Variants in GPHN observed in about 807,000 individuals in gnomAD.
GPHN encodes gephyrin.
Under a neutral mutation model 95.5 loss-of-function variants are expected in GPHN, and 17 were observed. The observed-to-expected ratio is 0.18, with a 90% CI of 0.12 to 0.27. GPHN has a LOEUF of 0.27. GPHN is among the 10% of genes least tolerant of loss of function. GPHN has a pLI of 1.00. For synonymous variants in GPHN, 320 were observed against 322.5 expected (o/e 0.99, Z 0.08); for missense variants, 660 against 978.1 (o/e 0.67, Z 4.34).
intron 9 of GPHN, among the ~76,000 whole-genome samples, chr14:66,992,991 G>A (rs951133584): frequency 6.6e-6 from 1 of 152,108 alleles, no homozygotes; most frequent in Non-Finnish European, 1.5e-5. Context: ...AAACAGAAAT[G>A]TTTGCTGAGT....
chr14:67,213,154 GTATTTTATTT>G, the GPHN span, among the ~76,000 whole-genome samples: 3 of 145,144 alleles, frequency 2.1e-5, no homozygotes, highest in African/African-American at 7.7e-5. Context: ...TTTTTTAAAT[GTATTTTATTT>G]TATTTTATTA....
At chr14:67,296,822 C>T in the GPHN span, among the ~76,000 whole-genome samples, 1 of 152,036 alleles carries the variant, frequency 6.6e-6, no homozygotes, top group African/African-American at 2.4e-5. Context: ...GCAACCTCAA[C>T]CTCCTGGGCT....
intron 2 of GPHN, among the ~76,000 whole-genome samples, chr14:66,752,755 T>C (rs1355930910): frequency 6.6e-6 from 1 of 151,966 alleles, no homozygotes; most frequent in Non-Finnish European, 1.5e-5. Flanking sequence ...GCAGACTTCC[T>C]TGACATGGGT....
chr14:66,649,054 G>A (rs2064903123), intron 1 of GPHN, among the ~76,000 whole-genome samples: 1 of 152,214 alleles, frequency 6.6e-6, no homozygotes. Context: ...AGGGTTGGCT[G>A]GGTGTGGTGG....
chr14:66,735,196 C>CT (rs1294572213), intron 2 of GPHN, among the ~76,000 whole-genome samples: 1 of 152,096 alleles, frequency 6.6e-6, no homozygotes, highest in Non-Finnish European at 1.5e-5. Flanking sequence ...ATACCATAGG[C>CT]TTTTTTTAAA....
chr14:66,830,352 C>A (rs111514157), intron 4 of GPHN, among the ~76,000 whole-genome samples: 2,377 of 151,898 alleles, frequency 0.016, 31 homozygotes, highest in Non-Finnish European at 0.018. Context: ...ACAATATAGC[C>A]TAATAAAAAT....
At chr14:66,624,652 T>C (rs1374425469) in intron 1 of GPHN, among the ~76,000 whole-genome samples, 1 of 152,216 alleles carries the variant, frequency 6.6e-6, no homozygotes, top group Non-Finnish European at 1.5e-5. Flanking sequence ...GTGTGCCAAA[T>C]TTGGCTACAA....
chr14:66,761,193 C>T lies in GPHN; in HGVS notation c.144-15271C>T, dbSNP rs17113543. Among the ~76,000 whole-genome samples, 457 of 152,298 alleles carry T rather than the reference C, an allele frequency of 3.0e-3. 3 individuals carry two copies. The highest frequency in any genetic ancestry group is 0.011 in the African/African-American group (439 of 41,574). ...ATATTACGGATATTAGATTGCATCT[C>T]AGTGCTAAATTTTCACTGATAGATA... On this transcript the variant is annotated intron_variant, in intron 2 of 22. Transcript: ENST00000478722.
chr14:67,610,702 G>A, the GPHN span, among the ~76,000 whole-genome samples: 10 of 151,944 alleles, frequency 6.6e-5, no homozygotes, highest in African/African-American at 2.4e-4. Flanking sequence ...ACACTTCCTG[G>A]GAACTGACTC....
the GPHN span, among the ~76,000 whole-genome samples, chr14:67,319,916 T>C: frequency 1.3e-5 from 2 of 152,358 alleles, no homozygotes; most frequent in African/African-American, 4.8e-5. Context: ...ATATTACTCT[T>C]ACTAGTTCAT....
At chr14:67,318,843 G>A in the GPHN span, among the ~76,000 whole-genome samples, 1 of 152,030 alleles carries the variant, frequency 6.6e-6, no homozygotes, top group Non-Finnish European at 1.5e-5. Flanking sequence ...GGATCACGAG[G>A]TCAGGAGATG....
At chr14:67,178,928 GA>G (rs375116583) in intron 21 of GPHN, among the ~76,000 whole-genome samples, 2,122 of 148,992 alleles carry the variant, frequency 0.014, 31 homozygotes, top group South Asian at 0.062. Context: ...AGTGCTGAAA[GA>G]AAAAAAAAAT....
At chr14:66,890,352 G>A (rs1050058661) in intron 5 of GPHN, among the ~76,000 whole-genome samples, 2 of 148,882 alleles carry the variant, frequency 1.3e-5, no homozygotes, top group Non-Finnish European at 3.0e-5. Flanking sequence ...AGGCCACACA[G>A]TGAGCCCTGA....
At chr14:67,656,594 A>T in the GPHN span, 1 of 1,598,174 alleles carries the variant, frequency 6.3e-7, no homozygotes, top group South Asian at 1.1e-5. Flanking sequence ...CCGATTCTGA[A>T]AGAAGTATGG....
chr14:67,667,715 C>T, the GPHN span, among the ~76,000 whole-genome samples: 13,728 of 152,080 alleles, frequency 0.09, 878 homozygotes, highest in East Asian at 0.23. Flanking sequence ...GAGGCCGAGG[C>T]GGGCGGATCA....
At position 66,796,320 on chromosome 14, in the gene GPHN, C is replaced by CT. The variant is rs537818102; in HGVS notation, c.201+19809dup. Among the ~76,000 whole-genome samples the CT allele has an allele frequency of 3.1e-3, 462 of 148,256 alleles. 4 individuals carry two copies. Among genetic ancestry groups the CT allele is most frequent in the African/African-American group, 8.9e-3 (359 of 40,546 alleles). The stretch of plus-strand genomic sequence containing the variant: ...AAATATCTATTCAATATATTGTTTC[C>CT]TTTTTTTTTTCAGTATATACCCACC... On this transcript the variant is annotated intron_variant, in intron 3 of 22. Coordinates refer to ENST00000478722, the MANE Select transcript of GPHN (RefSeq NM_020806.5).
chr14:67,472,067 A>T, the GPHN span: 1 of 152,314 alleles, frequency 6.6e-6, no homozygotes, highest in Admixed American at 6.6e-5. Flanking sequence ...GCCAATGCCC[A>T]TGAGTGTGGC....
At chr14:66,773,993 GTTTTTTTTTTTTT>G (rs1172451199) in intron 2 of GPHN, among the ~76,000 whole-genome samples, 11 of 89,974 alleles carry the variant, frequency 1.2e-4, no homozygotes, top group African/African-American at 5.1e-4. Context: ...TATCTAGAAA[GTTTTTTTTTTTTT>G]TTTTTTTTTT....
chr14:67,482,736 G>A, the GPHN span, among the ~76,000 whole-genome samples: 2 of 152,206 alleles, frequency 1.3e-5, no homozygotes, highest in East Asian at 1.9e-4. Flanking sequence ...CTTGCCCAGG[G>A]CCAGAAGGGA....
Sources: allele counts gnomAD v4.1 joint callset (sites outside exome capture counted in the v4.1 genomes callset), GRCh38; gene constraint gnomAD v4.1.1; transcripts MANE v1.5; gene names NCBI Gene and HGNC (gene_info 2026-07-23, HGNC 2026-07-21).